GRIK1: variants seen among roughly 807,000 people sequenced by gnomAD.
GRIK1 encodes glutamate ionotropic receptor kainate type subunit 1.
A neutral mutation model predicts 105.7 loss-of-function variants in GRIK1; 69 were observed. That is an observed-to-expected ratio of 0.65 (90% confidence interval 0.54 to 0.80). GRIK1 has a LOEUF of 0.80. GRIK1 is among the 30% of genes least tolerant of loss of function. The pLI, the probability that GRIK1 is intolerant of heterozygous loss-of-function variation, is 0.00. For missense variants in GRIK1, 1,109 were observed against 1,167.3 expected (o/e 0.95, Z 0.73); for synonymous variants, 438 against 431.3 (o/e 1.02, Z -0.19).
intron 1 of GRIK1, among the ~76,000 whole-genome samples, chr21:29,774,836 C>A: frequency 6.6e-6 from 1 of 152,134 alleles, no homozygotes; most frequent in Admixed American, 6.5e-5. Flanking sequence ...TTGCATGGGG[C>A]TTGCACATCG....
intron 7 of GRIK1, among the ~76,000 whole-genome samples, chr21:29,620,808 T>TATATATATATATATATATATATAG (rs2061978720): frequency 3.3e-5 from 4 of 122,606 alleles, no homozygotes; most frequent in African/African-American, 1.4e-4. Context: ...TATATATAGA[T>TATATATATATATATATATATATAG]ATATATATAT....
chr21:29,671,787 A>C (rs2063165478), intron 4 of GRIK1, among the ~76,000 whole-genome samples: 2 of 152,212 alleles, frequency 1.3e-5, no homozygotes, highest in Admixed American at 1.3e-4. Flanking sequence ...GATGGCCGGC[A>C]GACCACATAA....
chr21:29,840,442 T>TA (rs1252356461), intron 1 of GRIK1, among the ~76,000 whole-genome samples: 1 of 152,176 alleles, frequency 6.6e-6, no homozygotes, highest in African/African-American at 2.4e-5. Flanking sequence ...TATTTTTTTT[T>TA]ACACATAATT....
intron 1 of GRIK1, among the ~76,000 whole-genome samples, chr21:29,703,036 G>A (rs532158320): frequency 6.4e-4 from 98 of 152,254 alleles, no homozygotes; most frequent in Non-Finnish European, 1.2e-3. Flanking sequence ...TTTCCTGTTT[G>A]TGAAATGTTA....
chr21:29,549,799 T>C (rs1381361714), intron 16 of GRIK1, among the ~76,000 whole-genome samples: 1 of 151,856 alleles, frequency 6.6e-6, no homozygotes, highest in Non-Finnish European at 1.5e-5. Flanking sequence ...TGAGAATCAG[T>C]ATAAAGGGAG....
At chr21:29,807,306 G>A (rs2066891841) in intron 1 of GRIK1, among the ~76,000 whole-genome samples, 1 of 152,132 alleles carries the variant, frequency 6.6e-6, no homozygotes, top group Non-Finnish European at 1.5e-5. Context: ...AAAGAGACAT[G>A]TAACTGCAGG....
intron 16 of GRIK1, among the ~76,000 whole-genome samples, chr21:29,542,915 G>T (rs565997256): frequency 1.3e-5 from 2 of 152,248 alleles, no homozygotes; most frequent in African/African-American, 4.8e-5. Flanking sequence ...ACACATGGAA[G>T]AAAAAGGATG....
At chr21:29,768,511 T>A (rs770915576) in intron 1 of GRIK1, among the ~76,000 whole-genome samples, 2 of 152,192 alleles carry the variant, frequency 1.3e-5, no homozygotes, top group African/African-American at 4.8e-5. Context: ...GCCTTCTGAA[T>A]GGTGTCTCAG....
chr21:29,709,024 T>C (rs146519732), intron 1 of GRIK1, among the ~76,000 whole-genome samples: 327 of 152,264 alleles, frequency 2.1e-3, no homozygotes, highest in African/African-American at 7.7e-3. Context: ...CAATTATATA[T>C]GCAATATATA....
At chr21:29,603,274 A>G (rs1160180881) in intron 7 of GRIK1, among the ~76,000 whole-genome samples, 1 of 151,870 alleles carries the variant, frequency 6.6e-6, no homozygotes, top group Non-Finnish European at 1.5e-5. Context: ...GGACAAGAAA[A>G]GGCTCCAACT....
rs2069735972 is a variant in GRIK1 at position 29,888,200 on chromosome 21, TCTC to T, written c.118+51180_118+51182del. On this transcript the variant is annotated intron_variant, in intron 1 of 17. Coordinates refer to ENST00000327783, the MANE Select transcript of GRIK1 (RefSeq NM_001330994.2). ...TTCTTTCTTCCTTTCTTTCTTTCTC[TCTC>T]TCTCTCTCTCTCTCTCTCTCTCTCT... 3.5e-4 allele frequency among the ~76,000 whole-genome samples: 11 copies of T among 31,608 alleles called. No individual in the cohort carries two copies. In the South Asian group the frequency reaches 4.9e-3, roughly 14 times the overall value. The allele number at this position is 31,608 out of a possible 152,430, so 20.7% of individuals were successfully genotyped here.
chr21:29,662,212 A>G (rs1303788338), intron 4 of GRIK1, among the ~76,000 whole-genome samples: 1 of 152,214 alleles, frequency 6.6e-6, no homozygotes, highest in African/African-American at 2.4e-5. Flanking sequence ...TGATCCTACT[A>G]GAAGAGCCAG....
chr21:29,587,901 C>G (rs2091164686), intron 11 of GRIK1, among the ~76,000 whole-genome samples: 2 of 147,678 alleles, frequency 1.4e-5, no homozygotes, highest in South Asian at 4.3e-4. Flanking sequence ...AAGGAATGAG[C>G]AACTTGGTTG....
intron 1 of GRIK1, among the ~76,000 whole-genome samples, chr21:29,700,694 A>T (rs931804004): frequency 6.6e-6 from 1 of 152,150 alleles, no homozygotes; most frequent in Non-Finnish European, 1.5e-5. Context: ...TCAGTGTAAC[A>T]TGGTGGAAAT....
chr21:29,809,428 GCTAA>G (rs1470908624), intron 1 of GRIK1, among the ~76,000 whole-genome samples: 8 of 152,170 alleles, frequency 5.3e-5, no homozygotes, highest in Admixed American at 6.5e-5. Context: ...GCTTAAAAAT[GCTAA>G]CTGTCACCTG....
intron 1 of GRIK1, among the ~76,000 whole-genome samples, chr21:29,816,761 A>G (rs952995291): frequency 3.3e-5 from 5 of 152,092 alleles, no homozygotes; most frequent in Non-Finnish European, 7.4e-5. Context: ...AGACAAAGAG[A>G]GTAGAATGAG....
intron 1 of GRIK1, among the ~76,000 whole-genome samples, chr21:29,823,810 TC>T (rs1347681528): frequency 6.6e-6 from 1 of 152,034 alleles, no homozygotes; most frequent in African/African-American, 2.4e-5. Flanking sequence ...TAACTCAAAC[TC>T]CTTTGGCTTT....
At position 29,800,869 on chromosome 21, in the gene GRIK1, C is replaced by T. The variant is rs146472639; in HGVS notation, c.119-106806G>A. On this transcript the variant is annotated intron_variant, in intron 1 of 17. Coordinates refer to ENST00000327783, the MANE Select transcript of GRIK1 (RefSeq NM_001330994.2). ...GGAGAAAGAGGATCCATGGTCTATA[C>T]CTGAGTGCCTGAGGACAGGGTGAGG... 1.3e-3 allele frequency among the ~76,000 whole-genome samples: 205 copies of T among 152,232 alleles called. 2 individuals carry two copies. Among genetic ancestry groups the T allele is most frequent in the African/African-American group, 4.6e-3 (190 of 41,544 alleles).
At chr21:29,679,622 AACTAGTTCC>A (rs1400720471) in intron 3 of GRIK1, among the ~76,000 whole-genome samples, 1 of 152,134 alleles carries the variant, frequency 6.6e-6, no homozygotes, top group Non-Finnish European at 1.5e-5. Flanking sequence ...TATTTCCTCA[AACTAGTTCC>A]ACCTATAACC....
Sources: allele counts gnomAD v4.1 joint callset (sites outside exome capture counted in the v4.1 genomes callset), GRCh38; gene constraint gnomAD v4.1.1; transcripts MANE v1.5; gene names NCBI Gene and HGNC (gene_info 2026-07-23, HGNC 2026-07-21).